LY96: variants seen among roughly 807,000 people sequenced by gnomAD.
The protein encoded by LY96 is lymphocyte antigen 96.
Under a neutral mutation model 18.9 loss-of-function variants are expected in LY96, and 18 were observed. That is an observed-to-expected ratio of 0.95 (90% CI 0.66 to 1.41). LY96 has a LOEUF of 1.41. LY96 is among the 40% of genes most tolerant of loss of function. LY96 has a pLI of 0.00. For missense variants in LY96, 175 were observed against 182.4 expected (o/e 0.96, Z 0.23); for synonymous variants, 66 against 62.6 (o/e 1.06, Z -0.26).
chr8:74,068,477 C>T, the LY96 span, among the ~76,000 whole-genome samples: 17 of 152,054 alleles, frequency 1.1e-4, no homozygotes, highest in Admixed American at 1.1e-3. Flanking sequence ...TGAGTAAATA[C>T]CTAGGAGTAG....
At chr8:73,996,352 C>CA (rs1816127775) in intron 1 of LY96, among the ~76,000 whole-genome samples, 1 of 130,710 alleles carries the variant, frequency 7.7e-6, no homozygotes, top group Non-Finnish European at 1.7e-5. Context: ...TTCCTTCCTT[C>CA]CTTCCTTCCT....
chr8:74,032,424 A>G (rs1481215620), downstream of LY96, among the ~76,000 whole-genome samples: 1 of 152,206 alleles, frequency 6.6e-6, no homozygotes. Context: ...GATTCCAGAC[A>G]TTGTATGGAA....
chr8:74,068,858 G>A, the LY96 span, among the ~76,000 whole-genome samples: 8,800 of 152,064 alleles, frequency 0.058, 340 homozygotes, highest in African/African-American at 0.11. Context: ...GTGCAGTGGC[G>A]CAATCTCAGC....
At chr8:74,020,701 G>T (rs914557550) in intron 3 of LY96, among the ~76,000 whole-genome samples, 4 of 152,156 alleles carry the variant, frequency 2.6e-5, no homozygotes, top group Admixed American at 1.3e-4. Context: ...AAAACAGCAT[G>T]GTACTGGTAC....
At chr8:74,033,552 C>T (rs1817003914), downstream of LY96, among the ~76,000 whole-genome samples, 2 of 152,118 alleles carry the variant, frequency 1.3e-5, no homozygotes, top group Non-Finnish European at 2.9e-5. Context: ...CCTCTTTTTC[C>T]CCTAGGACTG....
At chr8:74,053,319 C>A in the LY96 span, among the ~76,000 whole-genome samples, 1 of 152,160 alleles carries the variant, frequency 6.6e-6, no homozygotes, top group Non-Finnish European at 1.5e-5. Flanking sequence ...CTGATCTAAC[C>A]CATATCTCAG....
At chr8:74,010,249 A>G (rs1393866966) in intron 3 of LY96, 120 bp downstream of exon 3, 1 of 964,438 alleles carries the variant, frequency 1.0e-6, no homozygotes, top group African/African-American at 1.7e-5. Flanking sequence ...TTTTCCATCC[A>G]AAGTTTTTAC....
the LY96 span, among the ~76,000 whole-genome samples, chr8:74,090,625 AT>A: frequency 1.3e-5 from 2 of 152,172 alleles, no homozygotes; most frequent in East Asian, 3.9e-4. Context: ...GACAGTCTGT[AT>A]TTTTAGTATG....
At chr8:74,036,125 A>C in the LY96 span, among the ~76,000 whole-genome samples, 1 of 152,220 alleles carries the variant, frequency 6.6e-6, no homozygotes, top group African/African-American at 2.4e-5. Context: ...GGTGTAAGCC[A>C]AGTTAACTTT....
the LY96 span, among the ~76,000 whole-genome samples, chr8:74,086,233 C>A: frequency 2.6e-5 from 4 of 152,176 alleles, no homozygotes; most frequent in African/African-American, 9.7e-5. Flanking sequence ...CATAGCCACT[C>A]CTTACCCAAT....
chr8:74,070,220 T>C, the LY96 span, among the ~76,000 whole-genome samples: 1 of 151,994 alleles, frequency 6.6e-6, no homozygotes, highest in African/African-American at 2.4e-5. Flanking sequence ...GCCTCCTGAG[T>C]AGCTGGGACT....
the LY96 span, among the ~76,000 whole-genome samples, chr8:74,094,273 G>A: frequency 1.3e-4 from 20 of 151,244 alleles, no homozygotes; most frequent in Admixed American, 8.6e-4. Context: ...GTGTGTGTGT[G>A]TCTGTGTGTG....
At chr8:74,078,691 C>T in the LY96 span, among the ~76,000 whole-genome samples, 1 of 152,206 alleles carries the variant, frequency 6.6e-6, no homozygotes, top group Non-Finnish European at 1.5e-5. Flanking sequence ...GCAAGCTGCA[C>T]TGGTCCTCCC....
At chr8:73,994,714 T>C (rs957771356) in intron 1 of LY96, among the ~76,000 whole-genome samples, 2 of 152,194 alleles carry the variant, frequency 1.3e-5, no homozygotes, top group Admixed American at 1.3e-4. Flanking sequence ...TTTGAACTCC[T>C]GGTCTCAAGC....
the LY96 span, among the ~76,000 whole-genome samples, chr8:74,085,494 G>A: frequency 4.6e-5 from 7 of 152,198 alleles, no homozygotes; most frequent in East Asian, 3.8e-4. Flanking sequence ...AATCACCCAC[G>A]AAACCAAAGA....
the LY96 span, among the ~76,000 whole-genome samples, chr8:74,048,263 A>ATTT: frequency 2.1e-5 from 3 of 142,454 alleles, no homozygotes; most frequent in Admixed American, 1.4e-4. Context: ...GTTTAGTTCT[A>ATTT]TTTTTTTTTT....
chr8:74,016,426 G>A (rs988780188), intron 3 of LY96, among the ~76,000 whole-genome samples: 1 of 152,236 alleles, frequency 6.6e-6, no homozygotes. Flanking sequence ...CTCCACCTCT[G>A]GGGGCAGGGT....
chr8:74,076,617 G>A, the LY96 span, among the ~76,000 whole-genome samples: 22 of 152,090 alleles, frequency 1.4e-4, no homozygotes, highest in Non-Finnish European at 2.5e-4. Context: ...AAGTCACTGC[G>A]CCCACCCCGA....
the LY96 span, among the ~76,000 whole-genome samples, chr8:74,037,146 G>T: frequency 2.0e-5 from 3 of 152,102 alleles, no homozygotes; most frequent in African/African-American, 7.2e-5. Flanking sequence ...CCCAGGGTAT[G>T]GTTATTGGTC....
Sources: allele counts gnomAD v4.1 joint callset (sites outside exome capture counted in the v4.1 genomes callset), GRCh38; gene constraint gnomAD v4.1.1; transcripts MANE v1.5; gene names NCBI Gene and HGNC (gene_info 2026-07-23, HGNC 2026-07-21).